The following DEPDC5 variants were observed in gnomAD, a reference collection of about 807,000 sequenced individuals.
DEPDC5 encodes DEP domain containing 5, GATOR1 subcomplex subunit.
Under a neutral mutation model 217.3 loss-of-function variants are expected in DEPDC5, and 73 were observed. The observed-to-expected ratio is 0.34, with a 90% CI of 0.28 to 0.41. The LOEUF (loss-of-function observed/expected upper bound fraction) is 0.41, where lower values mean the gene tolerates loss of function less well. Among genes scored for constraint, DEPDC5 ranks in the 10% least tolerant of loss-of-function variants. The probability of loss-of-function intolerance (pLI) is 1.00; values close to 1 mark genes in which losing one functional copy is unlikely to be tolerated. For synonymous variants in DEPDC5, 733 were observed against 756.7 expected (o/e 0.97, Z 0.51); for missense variants, 1,675 against 2,070.1 (o/e 0.81, Z 3.70).
At chr22:31,851,375 G>A (rs147148590) in intron 31 of DEPDC5, among the ~76,000 whole-genome samples, 22 of 152,326 alleles carry the variant, frequency 1.4e-4, no homozygotes, top group Middle Eastern at 3.4e-3. Flanking sequence ...GAAGCAAAGC[G>A]TTTACATGGG....
At chr22:31,828,515 A>G (rs1010464636) in intron 24 of DEPDC5, among the ~76,000 whole-genome samples, 3 of 152,120 alleles carry the variant, frequency 2.0e-5, no homozygotes, top group Admixed American at 2.0e-4. Flanking sequence ...GAATGCTAAA[A>G]ATCTTCTGAA....
chr22:31,859,079 GTTTTTTTTTT>G lies in DEPDC5; in HGVS notation c.3264+1546_3264+1555del, dbSNP rs136864. 25 of 67,008 alleles carry G rather than the reference GTTTTTTTTTT, an allele frequency of 3.7e-4. 1 individual carries two copies. The highest frequency in any genetic ancestry group is 6.5e-4 in the Non-Finnish European group (23 of 35,640). The allele number at this position is 67,008 out of a possible 1,614,324, so 4.2% of individuals were successfully genotyped here. A position where few individuals can be genotyped will look rare whatever the true frequency, so the allele number is the denominator to read the frequency against. On this transcript the variant is annotated intron_variant, in intron 32 of 42. Coordinates refer to ENST00000651528, the MANE Select transcript of DEPDC5 (RefSeq NM_001242896.3). ...TTAAAGTTGTAAAAACCATTCCTTTGTTTTTTTTTTTTTTTTTTTTTTTTTTTTTGAGACG... is the reference window on the plus strand; with the variant it reads ...TTAAAGTTGTAAAAACCATTCCTTTGTTTTTTTTTTTTTTTTTTTGAGACG...
At chr22:31,893,115 C>G (rs908405085) in intron 38 of DEPDC5, among the ~76,000 whole-genome samples, 2 of 152,028 alleles carry the variant, frequency 1.3e-5, no homozygotes, top group Non-Finnish European at 1.5e-5. Flanking sequence ...ACCTCGTGAT[C>G]TGCTTGCGTC....
At chr22:31,832,968 T>G (rs1025143086) in intron 24 of DEPDC5, among the ~76,000 whole-genome samples, 1 of 152,234 alleles carries the variant, frequency 6.6e-6, no homozygotes, top group African/African-American at 2.4e-5. Flanking sequence ...ACAAATTCTC[T>G]TTTACCTCCT....
In DEPDC5 at chr22:31,784,116, C is replaced by A. The variant is rs1017167019; in HGVS notation, c.562+131C>A. ...CTTTAAATATCATTGTGAGAATAATCATATTTGGAGGTTAGAGTGTTTTCT... is the reference window on the plus strand; with the variant it reads ...CTTTAAATATCATTGTGAGAATAATAATATTTGGAGGTTAGAGTGTTTTCT... On this transcript the variant is annotated intron_variant, in intron 9 of 42. Coordinates refer to ENST00000651528, the MANE Select transcript of DEPDC5 (RefSeq NM_001242896.3). 165 of 734,966 alleles carry A rather than the reference C, an allele frequency of 2.2e-4. No homozygotes were observed. The East Asian group carries it at 2.9e-3, about 13-fold the overall frequency. 45.5% of individuals were successfully genotyped at this position (734,966 alleles called of 1,614,324 possible). A position where few individuals can be genotyped will look rare whatever the true frequency, so the allele number is the denominator to read the frequency against.
At chr22:31,878,378 T>C (rs902592360) in intron 37 of DEPDC5, among the ~76,000 whole-genome samples, 1 of 152,092 alleles carries the variant, frequency 6.6e-6, no homozygotes, top group Non-Finnish European at 1.5e-5. Flanking sequence ...ACCAGGTTAC[T>C]GTTATATATT....
chr22:31,763,154 C>A (rs2082541703), intron 4 of DEPDC5, among the ~76,000 whole-genome samples: 1 of 152,056 alleles, frequency 6.6e-6, no homozygotes, highest in Non-Finnish European at 1.5e-5. Context: ...CCACACCTGG[C>A]TAATTTTTGT....
chr22:31,904,220 C>T (rs2093716197), intron 41 of DEPDC5, among the ~76,000 whole-genome samples: 1 of 152,214 alleles, frequency 6.6e-6, no homozygotes, highest in South Asian at 2.1e-4. Context: ...CCTCCTTCAT[C>T]TTCCTTGGGG....
At chr22:31,789,306 A>T (rs2085366179) in intron 10 of DEPDC5, among the ~76,000 whole-genome samples, 1 of 152,268 alleles carries the variant, frequency 6.6e-6, no homozygotes, top group Non-Finnish European at 1.5e-5. Context: ...TTCTGCTATA[A>T]AGAAGAATGA....
At chr22:31,797,740 A>G (rs1601926817) in intron 13 of DEPDC5, 37 bp downstream of exon 13, 1 of 1,488,294 alleles carries the variant, frequency 6.7e-7, no homozygotes, top group Non-Finnish European at 9.4e-7. Context: ...CGGCGGGGAA[A>G]GGAAGTGTAG....
intron 34 of DEPDC5, among the ~76,000 whole-genome samples, chr22:31,871,861 A>G (rs113532331): frequency 8.5e-5 from 13 of 152,232 alleles, no homozygotes; most frequent in Non-Finnish European, 1.5e-4. Context: ...CTGCACGGAA[A>G]TGGGCTGCAC....
chr22:31,764,662 T>G (rs2082666002), intron 4 of DEPDC5, among the ~76,000 whole-genome samples: 2 of 152,182 alleles, frequency 1.3e-5, no homozygotes, highest in African/African-American at 4.8e-5. Context: ...GTGATCTTCC[T>G]GCCTAGACCT....
At chr22:31,765,202 C>A (rs757065939) in intron 5 of DEPDC5, 142 bp downstream of exon 5, 5 of 672,188 alleles carry the variant, frequency 7.4e-6, no homozygotes, top group Non-Finnish European at 1.3e-5. Flanking sequence ...AATTTCAGTA[C>A]ATCAGGAGGC....
intron 10 of DEPDC5, among the ~76,000 whole-genome samples, chr22:31,787,594 G>T (rs987783612): frequency 1.3e-5 from 2 of 152,110 alleles, no homozygotes; most frequent in Non-Finnish European, 2.9e-5. Context: ...ATCGTGTGAA[G>T]CCAAAAGTTC....
intron 7 of DEPDC5, among the ~76,000 whole-genome samples, chr22:31,774,996 A>T (rs959962851): frequency 1.3e-5 from 2 of 152,104 alleles, no homozygotes; most frequent in African/African-American, 4.8e-5. Context: ...TCACAGACGT[A>T]ACTGGGCAAA....
chr22:31,761,835 G>T (rs953422662), intron 4 of DEPDC5, among the ~76,000 whole-genome samples: 12 of 151,688 alleles, frequency 7.9e-5, no homozygotes, highest in Non-Finnish European at 1.6e-4. Context: ...GGGTGTGGTG[G>T]CATGCACCTA....
chr22:31,790,856 C>T (rs2085551900), intron 10 of DEPDC5, among the ~76,000 whole-genome samples: 1 of 148,918 alleles, frequency 6.7e-6, no homozygotes. Context: ...AAGTGATTAT[C>T]CTACCTCAGC....
At chr22:31,800,937 C>T (rs1423448303) in intron 14 of DEPDC5, among the ~76,000 whole-genome samples, 1 of 151,656 alleles carries the variant, frequency 6.6e-6, no homozygotes, top group African/African-American at 2.4e-5. Flanking sequence ...GATCACGCCG[C>T]TGCACTCCAA....
At chr22:31,771,715 TCACACACACACACACACA>T (rs55851105) in intron 7 of DEPDC5, among the ~76,000 whole-genome samples, 1,353 of 78,072 alleles carry the variant, frequency 0.017, 22 homozygotes, top group Middle Eastern at 0.032. Context: ...CAAGACTCCG[TCACACACACACACACACA>T]CACACACACA....
Sources: gnomAD v4.1 joint callset for allele counts (sites outside exome capture counted in the v4.1 genomes callset) on GRCh38, gnomAD v4.1.1 for gene constraint, MANE v1.5 for transcripts, NCBI Gene and HGNC (gene_info 2026-07-23, HGNC 2026-07-21) for gene names.